YRDC: variants seen among roughly 807,000 people sequenced by gnomAD.
The protein encoded by YRDC is yrdC N6-threonylcarbamoyltransferase domain containing.
A neutral mutation model predicts 21.5 loss-of-function variants in YRDC; 17 were observed. The ratio of observed to expected loss-of-function variants is 0.79; its 90% CI spans 0.54 to 1.19. The LOEUF is 1.19. Among genes scored for constraint, YRDC ranks in the 50% most tolerant of loss-of-function variants. YRDC has a pLI of 0.00. For synonymous variants in YRDC, 193 were observed against 176.7 expected (o/e 1.09, Z -0.73); for missense variants, 380 against 397.1 (o/e 0.96, Z 0.37).
At position 37,807,775 on chromosome 1, in the gene YRDC, G is replaced by A; in HGVS notation, c.389+17C>T. The A allele has an allele frequency of 6.7e-7, 1 of 1,491,064 alleles. No homozygotes were observed. The highest frequency in any genetic ancestry group is 1.2e-5 in the South Asian group (1 of 81,124). The allele number at this position is 1,491,064 out of a possible 1,614,324, so 92.4% of individuals were successfully genotyped here. On this transcript the variant is annotated intron_variant, in intron 1 of 4. Coordinates refer to ENST00000373044, the MANE Select transcript of YRDC (RefSeq NM_024640.4). ...CGCGGTGCCGCCCCTAGCGGGGCCG[G>A]GTCGGGGCGGCCTTACCTGTAGACG...
chr1:37,807,018 G>A (rs1304422132), intron 2 of YRDC, 42 bp from the exon 3 acceptor site: 6 of 1,614,094 alleles, frequency 3.7e-6, no homozygotes, highest in Non-Finnish European at 5.1e-6. Context: ...AGGTTGGAAG[G>A]GATAAGAGGG....
Position 37,808,147 on chromosome 1 carries a change from C to A in YRDC, c.34G>T (p.Ala12Ser). 1 of 1,471,692 alleles carries A rather than the reference C, an allele frequency of 6.8e-7. No individual in the cohort carries two copies. The highest frequency in any genetic ancestry group is 8.9e-7 in the Non-Finnish European group (1 of 1,118,402). 91.2% of individuals were successfully genotyped at this position (1,471,692 alleles called of 1,614,324 possible). Reference protein sequence around the residue: ...SPARRCRGMRAAVAASVGLSE... With the variant: ...SPARRCRGMRSAVAASVGLSE... ...AACCCCACGCTGGCAGCCACCGCGG[C>A]CCTCATCCCCCTGCACCGACGCGCC... The change falls in exon 1 of 5, where the codon GCC becomes TCC. Residue 12 changes from alanine to serine, a missense_variant. Physicochemically the swap from Ala to Ser is moderately conservative, Grantham distance 99. Around this residue, in one of 3 missense-constraint regions of YRDC, gnomAD observed 91 missense variants for 64.7 expected, o/e 1.41. Coordinates refer to ENST00000373044, the MANE Select transcript of YRDC (RefSeq NM_024640.4).
chr1:37,808,110 G>A lies in YRDC; in HGVS notation c.71C>T (p.Pro24Leu), dbSNP rs1218961271. The A allele has an allele frequency of 6.9e-7, 1 of 1,444,358 alleles. No homozygotes were observed. Among genetic ancestry groups the A allele is most frequent in the Admixed American group, 2.7e-5 (1 of 37,370 alleles). 89.5% of individuals were successfully genotyped at this position (1,444,358 alleles called of 1,614,324 possible). Residue 24 changes from proline to leucine, a missense_variant, in exon 1 of 5, where the codon CCT (proline) becomes CTT (leucine). Coordinates refer to ENST00000373044, the MANE Select transcript of YRDC (RefSeq NM_024640.4). ...GAGGCGACCGCTCCGGGAGCCAGCA[G>A]GCCCCTCGCTCAACCCCACGCTGGC... ...VAASVGLSEG[P>L]AGSRSGRLFR...
chr1:37,808,163 C>A lies in YRDC; in HGVS notation c.18G>T (p.Arg6=). 1 of 1,460,042 alleles carries A rather than the reference C, an allele frequency of 6.8e-7. No individual in the cohort carries two copies. Among genetic ancestry groups the A allele is most frequent in the Non-Finnish European group, 9.0e-7 (1 of 1,110,800 alleles). 90.4% of individuals were successfully genotyped at this position (1,460,042 alleles called of 1,614,324 possible). ...CCACCGCGGCCCTCATCCCCCTGCA[C>A]CGACGCGCCGGAGACATCCGCCCAG... MSPAR[R]CRGMRAAVAA... Residue 6 remains arginine (R), a synonymous_variant, in exon 1 of 5, where the codon CGG becomes CGT. Coordinates refer to ENST00000373044, the MANE Select transcript of YRDC (RefSeq NM_024640.4).
intron 3 of YRDC, 111 bp from the exon 4 acceptor site, chr1:37,804,555 C>T (rs1247649705): frequency 7.5e-6 from 10 of 1,335,564 alleles, no homozygotes; most frequent in African/African-American, 5.9e-5. Context: ...AGGCACTTTC[C>T]TCTAAGCAGA....
At position 37,808,083 on chromosome 1, in the gene YRDC, A is replaced by T; in HGVS notation, c.98T>A (p.Phe33Tyr). Residue 33 changes from phenylalanine to tyrosine, a missense_variant, in exon 1 of 5, where the codon TTC becomes TAC. This residue lies in a region of YRDC where 91 missense variants were observed against 64.7 expected (regional missense o/e 1.41). Coordinates refer to ENST00000373044, the MANE Select transcript of YRDC (RefSeq NM_024640.4). ...GPAGSRSGRLFRPPSPAPAAP... is the reference protein window; with the variant it reads ...GPAGSRSGRLYRPPSPAPAAP... Reference sequence around the variant, plus strand: ...CGCCGGAGCGGGACTCGGCGGGCGGAAGAGGCGACCGCTCCGGGAGCCAGC... The same window carrying T: ...CGCCGGAGCGGGACTCGGCGGGCGGTAGAGGCGACCGCTCCGGGAGCCAGC... 2 of 1,369,196 alleles carry T rather than the reference A, an allele frequency of 1.5e-6. No individual in the cohort carries two copies. The highest frequency in any genetic ancestry group is 1.9e-6 in the Non-Finnish European group (2 of 1,065,990). 84.8% of individuals were successfully genotyped at this position (1,369,196 alleles called of 1,614,324 possible). A position where few individuals can be genotyped will look rare whatever the true frequency, so the allele number is the denominator to read the frequency against.
intron 3 of YRDC, among the ~76,000 whole-genome samples, chr1:37,805,669 C>T (rs1646729447): frequency 6.6e-6 from 1 of 152,152 alleles, no homozygotes; most frequent in Admixed American, 6.5e-5. Flanking sequence ...GGTACAGCCA[C>T]CAGGACCAAG....
intron 1 of YRDC, chr1:37,807,582 C>T: frequency 1.0e-6 from 1 of 981,680 alleles, no homozygotes; most frequent in Non-Finnish European, 1.4e-6. Context: ...GGAACAGGGT[C>T]CCTGCCTTTC....
chr1:37,806,952 G>T lies in YRDC; in HGVS notation c.529C>A (p.His177Asn). Residue 177 changes from histidine to asparagine, a missense_variant, in exon 3 of 5, where the codon CAT (histidine) becomes AAT (asparagine). Physicochemically the swap from His to Asn is moderately conservative, Grantham distance 68. Transcript: ENST00000373044. ...TPLVGIRIPD[H>N]AFMQDLAQMF... is the part of the protein sequence containing the mutation. The stretch of plus-strand genomic sequence containing the variant: ...TGAGCCAAGTCTTGCATAAAAGCAT[G>T]ATCAGGAATCCGAATGCCTACAAGC... The T allele has an allele frequency of 6.2e-7, 1 of 1,614,220 alleles. No homozygotes were observed. Among genetic ancestry groups the T allele is most frequent in the East Asian group, 2.2e-5 (1 of 44,886 alleles).
intron 3 of YRDC, 120 bp from the exon 4 acceptor site, chr1:37,804,564 G>C: frequency 7.9e-7 from 1 of 1,262,910 alleles, no homozygotes; most frequent in Non-Finnish European, 1.1e-6. Context: ...CCTCTAAGCA[G>C]AGAAAGGAGC....
At position 37,807,994 on chromosome 1, in the gene YRDC, G is replaced by A. The variant is rs1646753369; in HGVS notation, c.187C>T (p.Arg63Cys). 5 of 1,200,898 alleles carry A rather than the reference G, an allele frequency of 4.2e-6. No individual in the cohort carries two copies. Among genetic ancestry groups the A allele is most frequent in the East Asian group, 3.5e-5 (1 of 28,496 alleles). 74.4% of individuals were successfully genotyped at this position (1,200,898 alleles called of 1,614,324 possible). A position where few individuals can be genotyped will look rare whatever the true frequency, so the allele number is the denominator to read the frequency against. ...SGAVQAASPE[R>C]AGWTEALRAA... is the part of the protein sequence containing the mutation. ...CGCAGCGCCTCGGTCCAGCCGGCGC[G>A]CTCCGGGCTCGCGGCCTGCACGGCC... The change falls in exon 1 of 5, where the codon CGC becomes TGC. Residue 63 changes from arginine to cysteine, a missense_variant. Physicochemically the swap from Arg to Cys is radical, Grantham distance 180. Around this residue, in one of 3 missense-constraint regions of YRDC, gnomAD observed 51 missense variants for 95.9 expected, o/e 0.53. Transcript: ENST00000373044.
chr1:37,806,823 T>A, intron 3 of YRDC, 34 bp downstream of exon 3: 1 of 1,613,606 alleles, frequency 6.2e-7, no homozygotes, highest in Non-Finnish European at 8.5e-7. Flanking sequence ...TGTGCGCTGG[T>A]GACATTTCCA....
chr1:37,807,347 T>C (rs748911673), intron 1 of YRDC, 132 bp from the exon 2 acceptor site: 44 of 842,850 alleles, frequency 5.2e-5, no homozygotes, highest in Middle Eastern at 7.1e-4. Flanking sequence ...CTGCTTCACC[T>C]CCCTAAGAGC....
At chr1:37,807,322 G>A in intron 1 of YRDC, 107 bp from the exon 2 acceptor site, 2 of 1,056,694 alleles carry the variant, frequency 1.9e-6, no homozygotes, top group Non-Finnish European at 2.8e-6. Flanking sequence ...TTTACAATGG[G>A]AGCCGCCTGT....
intron 1 of YRDC, 150 bp downstream of exon 1, chr1:37,807,642 T>C: frequency 7.5e-7 from 1 of 1,329,478 alleles, no homozygotes; most frequent in South Asian, 1.8e-5. Flanking sequence ...CCGGGGCACG[T>C]TAAGTCCTCG....
intron 1 of YRDC, 67 bp from the exon 2 acceptor site, chr1:37,807,282 T>G: frequency 2.2e-6 from 3 of 1,390,604 alleles, no homozygotes; most frequent in Non-Finnish European, 3.0e-6. Context: ...TCCTAGACTC[T>G]AGGCAGACGT....
intron 1 of YRDC, 173 bp downstream of exon 1, chr1:37,807,619 T>G (rs1270135512): frequency 3.3e-5 from 40 of 1,205,440 alleles, no homozygotes; most frequent in Middle Eastern, 6.0e-4. Flanking sequence ...CCCAGCAGCA[T>G]GTAGTTCAGG....
At chr1:37,805,512 C>T (rs535866904) in intron 3 of YRDC, among the ~76,000 whole-genome samples, 1 of 152,298 alleles carries the variant, frequency 6.6e-6, no homozygotes, top group Non-Finnish European at 1.5e-5. Flanking sequence ...TCCCCAACCC[C>T]CCAAGGAAGA....
Position 37,808,114 on chromosome 1 carries a change from C to G in YRDC, c.67G>C (p.Gly23Arg), listed in dbSNP as rs763215787. 2 of 1,452,616 alleles carry G rather than the reference C, an allele frequency of 1.4e-6. No homozygotes were observed. Among genetic ancestry groups the G allele is most frequent in the East Asian group, 3.0e-5 (1 of 33,038 alleles). 90.0% of individuals were successfully genotyped at this position (1,452,616 alleles called of 1,614,324 possible). ...AVAASVGLSE[G>R]PAGSRSGRLF... ...CGACCGCTCCGGGAGCCAGCAGGCCCCTCGCTCAACCCCACGCTGGCAGCC... is the reference window on the plus strand; with the variant it reads ...CGACCGCTCCGGGAGCCAGCAGGCCGCTCGCTCAACCCCACGCTGGCAGCC... The change falls in exon 1 of 5, where the codon GGG (glycine) becomes CGG (arginine). Residue 23 changes from glycine (G) to arginine (R), a missense_variant. Transcript: ENST00000373044.
Sources: allele counts gnomAD v4.1 joint callset (sites outside exome capture counted in the v4.1 genomes callset), GRCh38; gene constraint gnomAD v4.1.1; regional missense constraint gnomAD v4.1.1; transcripts MANE v1.5; gene names NCBI Gene and HGNC (gene_info 2026-07-23, HGNC 2026-07-21).